PTP4A1: variants seen among roughly 807,000 people sequenced by gnomAD.
PTP4A1 encodes the protein protein tyrosine phosphatase 4A1.
In PTP4A1, 9 loss-of-function variants were observed where a neutral mutation model predicts 20.5. The observed-to-expected ratio is 0.44, with a 90% CI of 0.26 to 0.77. PTP4A1 has a LOEUF of 0.77. Among genes scored for constraint, PTP4A1 ranks in the 30% least tolerant of loss-of-function variants. The pLI, the probability that PTP4A1 is intolerant of heterozygous loss-of-function variation, is 0.19. For missense variants in PTP4A1, 137 were observed against 218.8 expected (o/e 0.63, Z 2.36); for synonymous variants, 78 against 67.4 (o/e 1.16, Z -0.77).
chr6:63,567,248 T>G (rs1469185062), intron 3 of PTP4A1, among the ~76,000 whole-genome samples: 1 of 152,250 alleles, frequency 6.6e-6, no homozygotes, highest in African/African-American at 2.4e-5. Context: ...TGGTTTACTT[T>G]GCTTAGATCC....
At chr6:63,546,941 A>T (rs1342465186) in intron 2 of PTP4A1, among the ~76,000 whole-genome samples, 2 of 152,222 alleles carry the variant, frequency 1.3e-5, no homozygotes, top group African/African-American at 2.4e-5. Flanking sequence ...AGTACACCAT[A>T]AATATATTTA....
chr6:63,560,284 G>A (rs544787576), intron 3 of PTP4A1, among the ~76,000 whole-genome samples: 1 of 144,742 alleles, frequency 6.9e-6, no homozygotes, highest in South Asian at 2.2e-4. Context: ...GTTAAAGTGA[G>A]CTGAGATCAC....
chr6:63,576,703 T>C lies in PTP4A1; in HGVS notation c.-178T>C, dbSNP rs1777886238. 1 of 612,348 alleles carries C rather than the reference T, an allele frequency of 1.6e-6. No homozygotes were observed. The highest frequency in any genetic ancestry group is 2.8e-5 in the East Asian group (1 of 35,876). The allele number at this position is 612,348 out of a possible 1,614,324, so 37.9% of individuals were successfully genotyped here. A position where few individuals can be genotyped will look rare whatever the true frequency, so the allele number is the denominator to read the frequency against. On this transcript the variant is annotated 5_prime_UTR_variant, in exon 2 of 6. Coordinates refer to ENST00000626021, the MANE Select transcript of PTP4A1 (RefSeq NM_003463.5). ...GCCTCAGTATTACTGGATTGAAGAATTGCTGCTTCTTGTTAGGAGGTTCAT... is the reference window on the plus strand; with the variant it reads ...GCCTCAGTATTACTGGATTGAAGAACTGCTGCTTCTTGTTAGGAGGTTCAT...
intron 3 of PTP4A1, among the ~76,000 whole-genome samples, chr6:63,567,023 C>T (rs537451042): frequency 1.3e-5 from 2 of 152,306 alleles, no homozygotes; most frequent in South Asian, 2.1e-4. Flanking sequence ...AAAATTGCAG[C>T]GATTTAGTCA....
At chr6:63,558,227 T>G (rs2149493941) in intron 3 of PTP4A1, among the ~76,000 whole-genome samples, 1 of 152,214 alleles carries the variant, frequency 6.6e-6, no homozygotes, top group Admixed American at 6.5e-5. Flanking sequence ...GTCATTGAAT[T>G]AAGTTATTGC....
chr6:63,523,988 CT>C (rs35779784), intron 1 of PTP4A1, among the ~76,000 whole-genome samples: 13 of 148,846 alleles, frequency 8.7e-5, no homozygotes, highest in Non-Finnish European at 1.5e-4. Flanking sequence ...TATCAATAGG[CT>C]TTTTTTTTTC....
At chr6:63,572,903 C>T (rs1402358527) in intron 1 of PTP4A1, among the ~76,000 whole-genome samples, 184 bp downstream of exon 1, 5 of 151,980 alleles carry the variant, frequency 3.3e-5, no homozygotes, top group Non-Finnish European at 5.9e-5. Flanking sequence ...GCCGGCTGTG[C>T]GGAGGCAGAT....
rs1778045086 is a variant in PTP4A1, at chr6:63,578,979, G to A, written c.280G>A (p.Glu94Lys). Residue 94 changes from glutamate to lysine, a missense_variant, in exon 4 of 6, where the codon GAA (glutamate) becomes AAA (lysine). Glu to Lys is a moderately conservative substitution (Grantham distance 56). Transcript: ENST00000626021. ...WLSLVKIKFREEPGCCIAVHC... is the reference protein window; with the variant it reads ...WLSLVKIKFRKEPGCCIAVHC... ...AAGTCTTGTGAAAATTAAGTTTCGTGAAGAACCTGGTTGTTGTATTGCTGT... is the reference window on the plus strand; with the variant it reads ...AAGTCTTGTGAAAATTAAGTTTCGTAAAGAACCTGGTTGTTGTATTGCTGT... 1.2e-6 allele frequency: 2 copies of A among 1,608,024 alleles called. No individual in the cohort carries two copies. The highest frequency in any genetic ancestry group is 1.3e-5 in the African/African-American group (1 of 74,816).
chr6:63,517,567 T>C (rs1417574983), upstream of PTP4A1, among the ~76,000 whole-genome samples: 2 of 152,076 alleles, frequency 1.3e-5, no homozygotes, highest in African/African-American at 4.8e-5. Flanking sequence ...AAAGAAACAA[T>C]TTTGTAAAGG....
intron 4 of PTP4A1, 74 bp downstream of exon 4, chr6:63,579,102 TATA>T (rs1161379564): frequency 7.1e-7 from 1 of 1,413,514 alleles, no homozygotes; most frequent in East Asian, 2.6e-5. Context: ...GAAAAATTCT[TATA>T]ATTTTTTAAT....
chr6:63,578,787 A>C, intron 3 of PTP4A1, 111 bp from the exon 4 acceptor site: 1 of 1,201,576 alleles, frequency 8.3e-7, no homozygotes, highest in Non-Finnish European at 1.1e-6. Context: ...AGATTTGATT[A>C]AACATTAAAA....
chr6:63,530,904 A>G (rs1775428979), intron 2 of PTP4A1, among the ~76,000 whole-genome samples: 1 of 152,208 alleles, frequency 6.6e-6, no homozygotes, highest in South Asian at 2.1e-4. Flanking sequence ...AGATGTAATG[A>G]TTAGAATGGT....
At chr6:63,519,584 A>T (rs576196559), upstream of PTP4A1, among the ~76,000 whole-genome samples, 1 of 152,272 alleles carries the variant, frequency 6.6e-6, no homozygotes, top group South Asian at 2.1e-4. Flanking sequence ...TGTTCCATAT[A>T]CTTGGCACAA....
At chr6:63,568,173 C>T (rs1777270853), upstream of PTP4A1, among the ~76,000 whole-genome samples, 1 of 152,180 alleles carries the variant, frequency 6.6e-6, no homozygotes, top group South Asian at 2.1e-4. Context: ...AGAGCTTTTC[C>T]TTGGCATTCA....
chr6:63,580,920 G>A lies in PTP4A1; in HGVS notation c.*746G>A, dbSNP rs1404600709. ...ACTCTGAGGTGCAACTTAACAGGGA[G>A]GGCCTGAGAAAAGAATGGGAGGGGG... On this transcript the variant is annotated 3_prime_UTR_variant, in exon 6 of 6. Transcript: ENST00000626021. The A allele has an allele frequency of 6.6e-6, 1 of 152,468 alleles. No individual in the cohort carries two copies. The highest frequency in any genetic ancestry group is 2.1e-4 in the South Asian group (1 of 4,824). The allele number at this position is 152,468 out of a possible 1,614,324, so 9.4% of individuals were successfully genotyped here.
At chr6:63,579,840 T>G (rs781164912) in intron 5 of PTP4A1, among the ~76,000 whole-genome samples, 37 of 152,316 alleles carry the variant, frequency 2.4e-4, no homozygotes, top group Middle Eastern at 3.4e-3. Context: ...TCGACTGTTG[T>G]AACCAATACT....
intron 2 of PTP4A1, among the ~76,000 whole-genome samples, chr6:63,530,947 G>T (rs1435398245): frequency 6.6e-6 from 1 of 152,080 alleles, no homozygotes; most frequent in Admixed American, 6.5e-5. Context: ...TTAGAAAAAT[G>T]AGCACTATTT....
At position 63,565,455 on chromosome 6, in the gene PTP4A1, A is replaced by G. The variant is rs1402083492; in HGVS notation, c.-445-10981A>G. 2.0e-5 allele frequency among the ~76,000 whole-genome samples: 3 copies of G among 152,338 alleles called. No individual in the cohort carries two copies. In the East Asian group the frequency reaches 5.8e-4, roughly 29 times the overall value. ...TTTCTTAAAATAGACTTTAAAAAAA[A>G]AAGTTGTTCAAAACTGCCTTAATCA... On this transcript the variant is annotated intron_variant, in intron 3 of 3. Coordinates refer to the PTP4A1 transcript ENST00000639568.
chr6:63,544,545 C>T (rs185891590), intron 2 of PTP4A1, among the ~76,000 whole-genome samples: 17 of 152,164 alleles, frequency 1.1e-4, no homozygotes, highest in Non-Finnish European at 2.2e-4. Flanking sequence ...AAGTAACATC[C>T]TTTATAGTAA....
Sources: allele counts gnomAD v4.1 joint callset (sites outside exome capture counted in the v4.1 genomes callset), GRCh38; gene constraint gnomAD v4.1.1; transcripts MANE v1.5; gene names NCBI Gene and HGNC (gene_info 2026-07-23, HGNC 2026-07-21).